TBCE: variants seen among roughly 807,000 people sequenced by gnomAD.
TBCE encodes the protein tubulin-specific chaperone E.
Under a neutral mutation model 77.0 loss-of-function variants are expected in TBCE, and 53 were observed. That is an observed-to-expected ratio of 0.69 (90% confidence interval 0.55 to 0.87). TBCE has a LOEUF of 0.87. TBCE is among the 40% of genes least tolerant of loss of function. The pLI is 0.00. For missense variants in TBCE, 624 were observed against 622.4 expected (o/e 1.00, Z -0.03); for synonymous variants, 235 against 241.3 (o/e 0.97, Z 0.24).
chr1:235,442,262 C>A (rs1681941674), intron 14 of TBCE, among the ~76,000 whole-genome samples: 1 of 152,168 alleles, frequency 6.6e-6, no homozygotes, highest in African/African-American at 2.4e-5. Context: ...CCTCCGCCTC[C>A]CGGGTTCAAG....
chr1:235,406,196 A>G (rs191962134), intron 3 of TBCE, among the ~76,000 whole-genome samples: 37 of 152,306 alleles, frequency 2.4e-4, no homozygotes, highest in African/African-American at 8.9e-4. Context: ...AAAAGAGATC[A>G]TTGGGTCTGA....
chr1:235,433,083 G>A, intron 7 of TBCE: 1 of 1,550,278 alleles, frequency 6.5e-7, no homozygotes, highest in Non-Finnish European at 8.6e-7. Context: ...CATCCATGCG[G>A]ATGAACGTGG....
chr1:235,417,742 G>A (rs1213995651), intron 4 of TBCE, among the ~76,000 whole-genome samples: 1 of 143,584 alleles, frequency 7.0e-6, no homozygotes, highest in Non-Finnish European at 1.5e-5. Context: ...GCTGCCTTTT[G>A]TACCCTGGTT....
rs950522785 is a variant in TBCE, at chr1:235,449,024, A to T, written c.*262A>T. ...TTACAGCTCATCACTGCATTTCATG[A>T]TAAGATTTAAATATTAAATAGAAAG... On this transcript the variant is annotated 3_prime_UTR_variant, in exon 17 of 17. Transcript: ENST00000642610. 1.1e-5 allele frequency: 4 copies of T among 378,834 alleles called. No individual in the cohort carries two copies. Among genetic ancestry groups the T allele is most frequent in the African/African-American group, 2.1e-5 (1 of 48,086 alleles). The allele number at this position is 378,834 out of a possible 1,614,324, so 23.5% of individuals were successfully genotyped here. A position where few individuals can be genotyped will look rare whatever the true frequency, so the allele number is the denominator to read the frequency against.
intron 5 of TBCE, among the ~76,000 whole-genome samples, chr1:235,420,640 G>A (rs550225039): frequency 3.3e-5 from 5 of 152,016 alleles, no homozygotes; most frequent in Non-Finnish European, 7.4e-5. Flanking sequence ...CCGCCACCAC[G>A]CCCAGCTAAT....
intron 1 of TBCE, among the ~76,000 whole-genome samples, chr1:235,379,103 T>C (rs1000637829): frequency 1.3e-5 from 2 of 152,172 alleles, no homozygotes; most frequent in Non-Finnish European, 2.9e-5. Context: ...TTCTTAGGGA[T>C]TTCTTCTTTC....
chr1:235,439,082 C>A, intron 13 of TBCE, 160 bp downstream of exon 13: 1 of 966,482 alleles, frequency 1.0e-6, no homozygotes, highest in Non-Finnish European at 1.6e-6. Context: ...TTTCCTGGGG[C>A]GAGGGCGGCA....
At position 235,450,246 on chromosome 1, in the gene TBCE, TTCAGTTTCCACAGTTCCG is replaced by T; in HGVS notation, c.*1491_*1508del. 6.2e-7 allele frequency: 1 copy of T among 1,614,172 alleles called. No individual in the cohort carries two copies. The highest frequency in any genetic ancestry group is 1.6e-4 in the Middle Eastern group (1 of 6,062). ...TCGACAAGGATCACCGCACCGTTCC[TTCAGTTTCCACAGTTCCG>T]TCAGTTCCCACGGAGAATACTGAGG... On this transcript the variant is annotated 3_prime_UTR_variant, in exon 17 of 17. Coordinates refer to ENST00000642610, the MANE Select transcript of TBCE (RefSeq NM_003193.5).
At chr1:235,401,872 A>ATTTTTTTTTT in intron 3 of TBCE, among the ~76,000 whole-genome samples, 1 of 126,628 alleles carries the variant, frequency 7.9e-6, no homozygotes, top group Non-Finnish European at 1.6e-5. Flanking sequence ...AATTGGATGA[A>ATTTTTTTTTT]TGTAAACCTT....
rs761513705 is a variant in TBCE, at chr1:235,442,839, GTTTC to G, written c.1340-11_1340-8del. 5.6e-6 allele frequency: 9 copies of G among 1,613,040 alleles called. No individual in the cohort carries two copies. The highest frequency in any genetic ancestry group is 1.3e-5 in the African/African-American group (1 of 74,840). ...TAGATATCAATTAGTCTTTTTCTTT[GTTTC>G]TCTTAAAGCACTGAAGATAAAATAC... On this transcript the variant is annotated splice_polypyrimidine_tract_variant and intron_variant, in intron 14 of 16. Coordinates refer to ENST00000642610, the MANE Select transcript of TBCE (RefSeq NM_003193.5).
chr1:235,435,508 C>T (rs1681387905), intron 8 of TBCE, among the ~76,000 whole-genome samples: 1 of 152,068 alleles, frequency 6.6e-6, no homozygotes, highest in South Asian at 2.1e-4. Flanking sequence ...ACCCAGGTTC[C>T]CCCATTGGTA....
At chr1:235,406,891 A>G (rs904858011) in intron 3 of TBCE, among the ~76,000 whole-genome samples, 1 of 136,632 alleles carries the variant, frequency 7.3e-6, no homozygotes, top group Admixed American at 8.1e-5. Context: ...CTGGAGTGCA[A>G]TGGCGTGATC....
intron 3 of TBCE, among the ~76,000 whole-genome samples, chr1:235,405,873 A>C (rs923595418): frequency 6.6e-6 from 1 of 152,188 alleles, no homozygotes; most frequent in Non-Finnish European, 1.5e-5. Context: ...CTACAGCTTC[A>C]CTAGGAGATA....
intron 1 of TBCE, among the ~76,000 whole-genome samples, chr1:235,379,555 C>A (rs543000180): frequency 1.3e-5 from 2 of 151,400 alleles, no homozygotes; most frequent in South Asian, 2.1e-4. Flanking sequence ...ACAAAAAAAA[C>A]ACATTTCTAG....
chr1:235,380,964 T>A (rs1426866283), intron 2 of TBCE, among the ~76,000 whole-genome samples: 1 of 151,812 alleles, frequency 6.6e-6, no homozygotes, highest in Non-Finnish European at 1.5e-5. Flanking sequence ...TTTGAATTTT[T>A]AGGGGAGACA....
At chr1:235,442,008 ATTTT>A (rs376999568) in intron 14 of TBCE, 126 bp downstream of exon 14, 67 of 596,256 alleles carry the variant, frequency 1.1e-4, no homozygotes, top group Non-Finnish European at 1.6e-4. Context: ...TTAAATGAAA[ATTTT>A]TTTTTTTTTT....
Position 235,436,688 on chromosome 1 carries a change from A to G in TBCE, c.963+80A>G, listed in dbSNP as rs1030129041. On this transcript the variant is annotated intron_variant, in intron 11 of 16. Transcript: ENST00000642610. ...GCAGAGTTTGGAGGTTCCTTCTACC[A>G]AAAAAGTAAAAAGAAATTTAAATCG... 8.2e-6 allele frequency: 11 copies of G among 1,340,610 alleles called. No homozygotes were observed. In the African/African-American group the frequency reaches 1.4e-4, roughly 18 times the overall value. 83.0% of individuals were successfully genotyped at this position (1,340,610 alleles called of 1,614,324 possible). A position where few individuals can be genotyped will look rare whatever the true frequency, so the allele number is the denominator to read the frequency against.
chr1:235,436,712 C>A (rs1331267766), intron 11 of TBCE, 104 bp downstream of exon 11: 10 of 1,165,194 alleles, frequency 8.6e-6, no homozygotes, highest in Non-Finnish European at 1.3e-5. Flanking sequence ...AAATTTAAAT[C>A]GAAAGAGAAA....
At chr1:235,437,546 TCACACCTGTAATCC>T (rs1372642803) in intron 12 of TBCE, 72 bp downstream of exon 12, 119 of 1,568,414 alleles carry the variant, frequency 7.6e-5, no homozygotes, top group Non-Finnish European at 9.4e-5. Flanking sequence ...GCGCCGTGGC[TCACACCTGTAATCC>T]CAGCACTTTG....
Sources: allele counts gnomAD v4.1 joint callset (sites outside exome capture counted in the v4.1 genomes callset), GRCh38; gene constraint gnomAD v4.1.1; transcripts MANE v1.5; gene names NCBI Gene and HGNC (gene_info 2026-07-23, HGNC 2026-07-21).